GRID2: variants seen among roughly 807,000 people sequenced by gnomAD.
GRID2 encodes the protein glutamate receptor ionotropic, delta-2.
Under a neutral mutation model 114.8 loss-of-function variants are expected in GRID2, and 33 were observed. The observed-to-expected ratio is 0.29, with a 90% CI of 0.22 to 0.38. The LOEUF is 0.38. Ranked by LOEUF, GRID2 falls within the 10% of genes least tolerant of loss-of-function variation. GRID2 has a pLI of 1.00. For synonymous variants in GRID2, 505 were observed against 449.9 expected, an observed-to-expected ratio of 1.12 and a Z score of -1.55; for missense variants, 1,184 against 1,257.7, an observed-to-expected ratio of 0.94 and a Z score of 0.89.
intron 2 of GRID2, among the ~76,000 whole-genome samples, chr4:92,818,969 A>G (rs1327326261): frequency 6.6e-6 from 1 of 152,108 alleles, no homozygotes; most frequent in African/African-American, 2.4e-5. Context: ...TTTATGAAGA[A>G]GCTTATGTTG....
At chr4:92,569,475 C>T (rs937551077) in intron 1 of GRID2, among the ~76,000 whole-genome samples, 57 of 151,960 alleles carry the variant, frequency 3.8e-4, no homozygotes, top group African/African-American at 9.9e-4. Flanking sequence ...TATATTCCTT[C>T]GGGTATATAC....
At position 93,709,187 on chromosome 4, in the gene GRID2, T is replaced by C. The variant is rs567526816; in HGVS notation, c.2361-60023T>C. Among the ~76,000 whole-genome samples the C allele has an allele frequency of 3.3e-5, 5 of 152,280 alleles. No homozygotes were observed. In the South Asian group the frequency reaches 1.0e-3, roughly 32 times the overall value. ...TGTACTTGCTATTACTAGGGAGTTT[T>C]GTACATTCAGATGATTTATTATTGC... On this transcript the variant is annotated intron_variant, in intron 14 of 15. Coordinates refer to ENST00000282020, the MANE Select transcript of GRID2 (RefSeq NM_001510.4).
intron 14 of GRID2, among the ~76,000 whole-genome samples, chr4:93,729,707 A>C (rs1730305499): frequency 6.6e-6 from 1 of 151,942 alleles, no homozygotes; most frequent in African/African-American, 2.4e-5. Context: ...CACCACACCC[A>C]GCTAATTTTT....
chr4:93,632,881 C>T (rs1216861208), intron 14 of GRID2, among the ~76,000 whole-genome samples: 1 of 152,118 alleles, frequency 6.6e-6, no homozygotes, highest in Non-Finnish European at 1.5e-5. Flanking sequence ...TTTGTGTCCT[C>T]TTTTATTTTG....
downstream of GRID2, among the ~76,000 whole-genome samples, chr4:93,778,412 T>TC (rs1303139862): frequency 6.7e-6 from 1 of 149,304 alleles, no homozygotes; most frequent in Non-Finnish European, 1.5e-5. Flanking sequence ...TTTTTTTTTT[T>TC]TTGAGACAGA....
intron 13 of GRID2, among the ~76,000 whole-genome samples, chr4:93,554,802 C>T (rs931481338): frequency 6.6e-5 from 10 of 152,200 alleles, no homozygotes; most frequent in African/African-American, 1.7e-4. Context: ...ATACCTGAGA[C>T]GGGAGGTGGC....
chr4:92,540,858 G>A (rs1464877429), intron 1 of GRID2, among the ~76,000 whole-genome samples: 1 of 152,044 alleles, frequency 6.6e-6, no homozygotes, highest in Non-Finnish European at 1.5e-5. Flanking sequence ...GTTTATTGCG[G>A]CACTATTCAC....
intron 1 of GRID2, among the ~76,000 whole-genome samples, chr4:92,385,875 CGTGT>C (rs746827198): frequency 3.0e-3 from 417 of 137,810 alleles, no homozygotes; most frequent in Middle Eastern, 0.015. Flanking sequence ...ATATAATATA[CGTGT>C]GTGTGTGTGT....
At chr4:92,773,351 CA>C (rs1560583848) in intron 2 of GRID2, among the ~76,000 whole-genome samples, 1 of 152,144 alleles carries the variant, frequency 6.6e-6, no homozygotes, top group Non-Finnish European at 1.5e-5. Flanking sequence ...ATTTGGAAAT[CA>C]TTTAACTCAG....
intron 13 of GRID2, among the ~76,000 whole-genome samples, chr4:93,594,926 C>T (rs1328245454): frequency 9.9e-5 from 15 of 152,030 alleles, no homozygotes; most frequent in South Asian, 4.2e-4. Context: ...GCACGGTGCA[C>T]GCACCCACTG....
intron 1 of GRID2, among the ~76,000 whole-genome samples, chr4:93,800,122 G>A (rs893924634): frequency 3.9e-5 from 6 of 152,192 alleles, no homozygotes; most frequent in African/African-American, 1.4e-4. Context: ...ATAGGTTGAC[G>A]ATAACGCCTC....
chr4:93,206,344 G>A (rs567831482), intron 4 of GRID2, among the ~76,000 whole-genome samples: 7 of 151,342 alleles, frequency 4.6e-5, no homozygotes, highest in African/African-American at 9.7e-5. Context: ...GGTGTTTCTC[G>A]GTAGAACAAA....
intron 1 of GRID2, among the ~76,000 whole-genome samples, chr4:92,422,656 A>G (rs181444476): frequency 1.8e-4 from 27 of 152,210 alleles, no homozygotes; most frequent in African/African-American, 6.5e-4. Flanking sequence ...GGGTGGTGCC[A>G]GCTAATCCAT....
At position 93,126,584 on chromosome 4, in the gene GRID2, C is replaced by CTTTTTTTTTTT. The variant is rs60017147; in HGVS notation, c.735+15652_735+15662dup. ...GACAGTCATTGATAACTATTTAATT[C>CTTTTTTTTTTT]TTTTTTTTTTTTTTTTTTTTTTTTT... On this transcript the variant is annotated intron_variant, in intron 4 of 15. Transcript: ENST00000282020. 5.3e-4 allele frequency among the ~76,000 whole-genome samples: 28 copies of CTTTTTTTTTTT among 52,750 alleles called. 3 individuals carry two copies. Among genetic ancestry groups the CTTTTTTTTTTT allele is most frequent in the East Asian group, 6.7e-4 (1 of 1,486 alleles). The allele number at this position is 52,750 out of a possible 152,430, so 34.6% of individuals were successfully genotyped here.
intron 2 of GRID2, among the ~76,000 whole-genome samples, chr4:93,007,795 C>T (rs1396878966): frequency 6.6e-6 from 1 of 152,018 alleles, no homozygotes; most frequent in Non-Finnish European, 1.5e-5. Context: ...AATCCCAGCA[C>T]TTTGGGAGGC....
intron 1 of GRID2, among the ~76,000 whole-genome samples, chr4:92,371,098 T>G (rs532226959): frequency 2.4e-4 from 37 of 152,106 alleles, no homozygotes; most frequent in Non-Finnish European, 5.1e-4. Context: ...CTGAGAGAGA[T>G]AAGGAAGCTG....
intron 13 of GRID2, among the ~76,000 whole-genome samples, chr4:93,540,670 G>A (rs1472016952): frequency 6.6e-6 from 1 of 152,170 alleles, no homozygotes; most frequent in Non-Finnish European, 1.5e-5. Flanking sequence ...GTTTTAGGCT[G>A]AGGCTTAGAC....
chr4:93,434,574 C>T (rs1365388671), intron 10 of GRID2, among the ~76,000 whole-genome samples: 1 of 152,086 alleles, frequency 6.6e-6, no homozygotes, highest in Non-Finnish European at 1.5e-5. Flanking sequence ...AAAAAACAGC[C>T]TTTATTTCCA....
chr4:93,192,560 G>A (rs1339846950), intron 4 of GRID2, among the ~76,000 whole-genome samples: 2 of 151,806 alleles, frequency 1.3e-5, no homozygotes, highest in East Asian at 1.9e-4. Flanking sequence ...TGGCCAACAC[G>A]TGGAAAGGCA....
Sources: gnomAD v4.1 joint callset for allele counts (sites outside exome capture counted in the v4.1 genomes callset) on GRCh38, gnomAD v4.1.1 for gene constraint, MANE v1.5 for transcripts, NCBI Gene and HGNC (gene_info 2026-07-23, HGNC 2026-07-21) for gene names.